TMEM131L: variants seen among roughly 807,000 people sequenced by gnomAD.
TMEM131L encodes the protein transmembrane 131 like.
In TMEM131L, 54 loss-of-function variants were observed where a neutral mutation model predicts 192.2. The ratio of observed to expected loss-of-function variants is 0.28; its 90% CI spans 0.23 to 0.35. The LOEUF is 0.35. TMEM131L is among the 10% of genes least tolerant of loss of function. The pLI is 1.00. For synonymous variants in TMEM131L, 701 were observed against 704.9 expected (o/e 0.99, Z 0.09); for missense variants, 1,888 against 1,972.9 (o/e 0.96, Z 0.82).
At position 153,580,879 on chromosome 4, in the gene TMEM131L, T is replaced by C; in HGVS notation, c.714T>C (p.His238=). 2 of 1,610,446 alleles carry C rather than the reference T, an allele frequency of 1.2e-6. No individual in the cohort carries two copies. Among genetic ancestry groups the C allele is most frequent in the Middle Eastern group, 1.7e-4 (1 of 6,054 alleles). ...LLQVQLECSL[H]NKVCQQLKGC... ...AGGTGCAACTGGAATGCAGTTTACA[T>C]AATAAAGTGTGTCAGCAATTAAAGG... is the stretch of plus-strand genomic sequence containing the variant. Residue 238 remains histidine (H), a synonymous_variant, in exon 8 of 35, where the codon CAT becomes CAC. Transcript: ENST00000409959.
intron 31 of TMEM131L, among the ~76,000 whole-genome samples, chr4:153,628,442 T>G (rs1202727520): frequency 2.6e-5 from 4 of 152,336 alleles, no homozygotes; most frequent in African/African-American, 9.6e-5. Flanking sequence ...TAAACCTGAT[T>G]TTTATTCTCT....
At chr4:153,579,284 A>G (rs533268231) in intron 7 of TMEM131L, among the ~76,000 whole-genome samples, 1 of 152,242 alleles carries the variant, frequency 6.6e-6, no homozygotes, top group African/African-American at 2.4e-5. Context: ...GCATGAGCCA[A>G]GATTGCACTA....
At chr4:153,636,220 A>G in intron 34 of TMEM131L, 81 bp from the exon 35 acceptor site, 1 of 1,246,794 alleles carries the variant, frequency 8.0e-7, no homozygotes, top group Non-Finnish European at 1.1e-6. Context: ...ATAGCATTGT[A>G]GTATTCGCTG....
At chr4:153,541,227 T>C (rs755772106) in intron 3 of TMEM131L, among the ~76,000 whole-genome samples, 3 of 152,236 alleles carry the variant, frequency 2.0e-5, no homozygotes, top group Admixed American at 2.0e-4. Context: ...GCCTATTCTT[T>C]AATAGGGTTT....
At chr4:153,498,892 G>GA (rs564511278) in intron 3 of TMEM131L, among the ~76,000 whole-genome samples, 16 of 152,008 alleles carry the variant, frequency 1.1e-4, no homozygotes, top group Non-Finnish European at 1.9e-4. Context: ...ACCTTTCTTG[G>GA]AAAAAAACCC....
intron 3 of TMEM131L, among the ~76,000 whole-genome samples, 168 bp from the exon 4 acceptor site, chr4:153,549,905 C>A (rs1237484144): frequency 6.6e-6 from 1 of 152,196 alleles, no homozygotes; most frequent in Admixed American, 6.5e-5. Flanking sequence ...CTTAAGTTTA[C>A]AACTCTAGAA....
intron 26 of TMEM131L, among the ~76,000 whole-genome samples, chr4:153,613,354 A>G (rs1732765134): frequency 6.6e-6 from 1 of 152,226 alleles, no homozygotes; most frequent in African/African-American, 2.4e-5. Context: ...ACCAAGTAAA[A>G]ATAGTAATAT....
intron 24 of TMEM131L, 24 bp downstream of exon 24, chr4:153,603,476 G>A: frequency 1.3e-6 from 2 of 1,591,576 alleles, no homozygotes; most frequent in Non-Finnish European, 1.7e-6. Context: ...TAGTGTGGTT[G>A]GGAGCGGGGG....
chr4:153,591,247 G>A, intron 17 of TMEM131L, 53 bp downstream of exon 17: 1 of 1,482,410 alleles, frequency 6.7e-7, no homozygotes, highest in South Asian at 1.4e-5. Context: ...CAGTGCTTGG[G>A]TTTTCAAAGT....
intron 25 of TMEM131L, among the ~76,000 whole-genome samples, chr4:153,610,135 G>C (rs2126546982): frequency 6.6e-6 from 1 of 152,328 alleles, no homozygotes; most frequent in African/African-American, 2.4e-5. Flanking sequence ...AGGTTTGAAA[G>C]GGATCTGAAA....
intron 20 of TMEM131L, among the ~76,000 whole-genome samples, chr4:153,597,004 A>T (rs1731485794): frequency 1.3e-5 from 2 of 152,206 alleles, no homozygotes; most frequent in Admixed American, 1.3e-4. Flanking sequence ...AGCTCTCCTC[A>T]TCAGTGAGAA....
intron 7 of TMEM131L, among the ~76,000 whole-genome samples, chr4:153,573,321 G>T (rs1490130132): frequency 2.0e-5 from 3 of 152,224 alleles, no homozygotes; most frequent in Non-Finnish European, 4.4e-5. Context: ...GTCAAGCGAC[G>T]GCAGCCTGCA....
At chr4:153,578,869 G>T (rs1730147092) in intron 7 of TMEM131L, among the ~76,000 whole-genome samples, 1 of 151,496 alleles carries the variant, frequency 6.6e-6, no homozygotes, top group Admixed American at 6.6e-5. Context: ...TTTTGGCCAG[G>T]CTAGTCTCCA....
intron 20 of TMEM131L, 69 bp from the exon 21 acceptor site, chr4:153,598,521 T>G (rs1213460171): frequency 2.7e-5 from 35 of 1,308,428 alleles, no homozygotes; most frequent in Admixed American, 1.6e-4. Flanking sequence ...TGGGAATATT[T>G]AAATTTAAGT....
At chr4:153,574,777 A>G (rs1181629292) in intron 7 of TMEM131L, among the ~76,000 whole-genome samples, 1 of 152,124 alleles carries the variant, frequency 6.6e-6, no homozygotes, top group East Asian at 1.9e-4. Context: ...TACTAGAGAC[A>G]GGGTTTCACC....
chr4:153,484,247 A>G (rs1486639438), intron 3 of TMEM131L, among the ~76,000 whole-genome samples: 1 of 152,174 alleles, frequency 6.6e-6, no homozygotes, highest in African/African-American at 2.4e-5. Context: ...GAATGTTATC[A>G]TGTTACAAAT....
At chr4:153,477,930 C>T (rs550464913) in intron 3 of TMEM131L, among the ~76,000 whole-genome samples, 2 of 152,286 alleles carry the variant, frequency 1.3e-5, no homozygotes, top group African/African-American at 4.8e-5. Flanking sequence ...AACATTTTGT[C>T]TTCCCGAAAG....
chr4:153,528,264 G>A lies in TMEM131L; in HGVS notation c.240-21809G>A, dbSNP rs532436380. The stretch of plus-strand genomic sequence containing the variant: ...CCAGCCTACGAAAACAGAACAGAGC[G>A]CAAGACTGCGTTTGAGCTCCCAGCA... On this transcript the variant is annotated intron_variant, in intron 3 of 34. Coordinates refer to ENST00000409959, the MANE Select transcript of TMEM131L (RefSeq NM_001131007.2). Among the ~76,000 whole-genome samples, 44 of 152,324 alleles carry A rather than the reference G, an allele frequency of 2.9e-4. 1 individual carries two copies. In the South Asian group the frequency reaches 6.8e-3, roughly 24 times the overall value.
chr4:153,573,928 C>T (rs1477731820), intron 7 of TMEM131L, among the ~76,000 whole-genome samples: 1 of 152,156 alleles, frequency 6.6e-6, no homozygotes, highest in Non-Finnish European at 1.5e-5. Context: ...TGTGAATGAG[C>T]AAATCAATAT....
Sources: allele counts gnomAD v4.1 joint callset (sites outside exome capture counted in the v4.1 genomes callset), GRCh38; gene constraint gnomAD v4.1.1; transcripts MANE v1.5; gene names NCBI Gene and HGNC (gene_info 2026-07-23, HGNC 2026-07-21).